Variants in ATG12 observed in about 807,000 individuals in gnomAD.
The protein encoded by ATG12 is autophagy related 12.
A neutral mutation model predicts 17.6 loss-of-function variants in ATG12; 19 were observed. That is an observed-to-expected ratio of 1.08 (90% CI 0.75 to 1.58). The LOEUF is 1.58. Among genes scored for constraint, ATG12 ranks in the 40% most tolerant of loss-of-function variants. The pLI is 0.00. For missense variants in ATG12, 214 were observed against 162.0 expected (o/e 1.32, Z -1.74); for synonymous variants, 75 against 62.4 (o/e 1.20, Z -0.95).
At chr5:115,841,005 AC>A in intron 1 of ATG12, 1 of 621,642 alleles carries the variant, frequency 1.6e-6, no homozygotes, top group Non-Finnish European at 2.6e-6. Context: ...TTTGCCAATG[AC>A]CACCCCTACC....
rs1760923630 is a variant in ATG12, at chr5:115,832,567, CTTTCTTTTTTTTTTTTT to C, written c.363+18_363+34del. ...GATTAAGAAAAAAAAGCAGTAATTT[CTTTCTTTTTTTTTTTTT>C]TTTTTTTTTTTTTTTACCTCATAGA... On this transcript the variant is annotated intron_variant, in intron 3 of 3. Transcript: ENST00000509910. 20 of 1,066,394 alleles carry C rather than the reference CTTTCTTTTTTTTTTTTT, an allele frequency of 1.9e-5. No homozygotes were observed. Among genetic ancestry groups the C allele is most frequent in the Admixed American group, 1.5e-4 (3 of 20,098 alleles). 66.1% of individuals were successfully genotyped at this position (1,066,394 alleles called of 1,614,324 possible).
intron 2 of ATG12, among the ~76,000 whole-genome samples, chr5:115,837,172 T>A (rs1048997880): frequency 2.0e-5 from 3 of 152,214 alleles, no homozygotes; most frequent in African/African-American, 7.2e-5. Flanking sequence ...CTGGTTCACA[T>A]TGTAAAACAA....
At chr5:115,840,334 G>C (rs1281594684) in intron 1 of ATG12, among the ~76,000 whole-genome samples, 1 of 142,464 alleles carries the variant, frequency 7.0e-6, no homozygotes, top group Non-Finnish European at 1.5e-5. Context: ...TTTCGCTCTT[G>C]TTGTCCAGGC....
chr5:115,837,532 TG>T, intron 2 of ATG12, 95 bp downstream of exon 2: 1 of 1,258,604 alleles, frequency 7.9e-7, no homozygotes, highest in Non-Finnish European at 1.1e-6. Flanking sequence ...GCGACATATG[TG>T]GCTCCATATG....
intron 2 of ATG12, among the ~76,000 whole-genome samples, chr5:115,836,235 T>C (rs1761093318): frequency 6.6e-6 from 1 of 152,236 alleles, no homozygotes. Context: ...TGGTTCAACC[T>C]ACTATGTATT....
At position 115,830,185 on chromosome 5, in the gene ATG12, A is replaced by G. The variant is rs1253518873; in HGVS notation, c.*1619T>C. On this transcript the variant is annotated 3_prime_UTR_variant, in exon 4 of 4. Transcript: ENST00000509910. ...ATTCTTCAGAGTTGTTAGGAAAGAA[A>G]ACAAATAAGGTTAGCTACATATTTA... is the stretch of plus-strand genomic sequence containing the variant. 1.3e-5 allele frequency: 2 copies of G among 151,970 alleles called. No individual in the cohort carries two copies. Among genetic ancestry groups the G allele is most frequent in the Non-Finnish European group, 2.9e-5 (2 of 67,986 alleles). The allele number at this position is 151,970 out of a possible 1,614,324, so 9.4% of individuals were successfully genotyped here. A position where few individuals can be genotyped will look rare whatever the true frequency, so the allele number is the denominator to read the frequency against.
At position 115,830,510 on chromosome 5, in the gene ATG12, A is replaced by C. The variant is rs1162500394; in HGVS notation, c.*1294T>G. The C allele has an allele frequency of 1.3e-5, 2 of 152,104 alleles. No homozygotes were observed. The highest frequency in any genetic ancestry group is 2.9e-5 in the Non-Finnish European group (2 of 68,012). The allele number at this position is 152,104 out of a possible 1,614,324, so 9.4% of individuals were successfully genotyped here. A position where few individuals can be genotyped will look rare whatever the true frequency, so the allele number is the denominator to read the frequency against. ...ATACCATCTTAGATCCTGTTTTGAA[A>C]TTCCATTCACATTACATTCGATTTA... On this transcript the variant is annotated 3_prime_UTR_variant, in exon 4 of 4. Transcript: ENST00000509910.
chr5:115,838,608 A>G (rs1049194063), intron 1 of ATG12: 6 of 152,240 alleles, frequency 3.9e-5, no homozygotes, highest in Non-Finnish European at 8.8e-5. Context: ...GTTTGTAACT[A>G]CCAAATTTTC....
chr5:115,832,732 C>A, intron 2 of ATG12, 68 bp from the exon 3 acceptor site: 1 of 1,362,648 alleles, frequency 7.3e-7, no homozygotes, highest in South Asian at 1.6e-5. Context: ...TTTCTGCATT[C>A]CAATCAGCTA....
rs1207813694 is a variant in ATG12, at chr5:115,829,032, C to CT, written c.*2771dup. On this transcript the variant is annotated 3_prime_UTR_variant, in exon 4 of 4. Transcript: ENST00000509910. ...GTAGATAACAGAAAACACAAGGCAT[C>CT]TTCAAAGAATGGTGAATAATCCAGT... is the stretch of plus-strand genomic sequence containing the variant. The CT allele has an allele frequency of 6.6e-6, 1 of 152,170 alleles. No individual in the cohort carries two copies. The highest frequency in any genetic ancestry group is 1.9e-4 in the East Asian group (1 of 5,200). 9.4% of individuals were successfully genotyped at this position (152,170 alleles called of 1,614,324 possible).
chr5:115,835,638 A>C (rs935867815), intron 2 of ATG12, among the ~76,000 whole-genome samples: 25 of 152,098 alleles, frequency 1.6e-4, no homozygotes, highest in African/African-American at 6.0e-4. Context: ...CCTTAGTGCA[A>C]ATGTATTGTC....
In ATG12 at chr5:115,831,591, A is replaced by C. The variant is rs933656108; in HGVS notation, c.*213T>G. ...TAGGAGCAATGGGTGTACTATCATG[A>C]CCATCTTTTATGATGACTGGTGCAT... On this transcript the variant is annotated 3_prime_UTR_variant, in exon 4 of 4. Transcript: ENST00000509910. The C allele has an allele frequency of 4.9e-6, 3 of 606,996 alleles. No homozygotes were observed. Among genetic ancestry groups the C allele is most frequent in the Non-Finnish European group, 8.7e-6 (3 of 343,894 alleles). The allele number at this position is 606,996 out of a possible 1,614,324, so 37.6% of individuals were successfully genotyped here.
intron 2 of ATG12, among the ~76,000 whole-genome samples, chr5:115,835,313 T>A (rs1358741797): frequency 6.6e-6 from 1 of 152,224 alleles, no homozygotes; most frequent in African/African-American, 2.4e-5. Flanking sequence ...TGTACGGGAT[T>A]TGACCTTGTT....
rs115327391 is a variant in ATG12, at chr5:115,836,533, T to A, written c.300+1095A>T. 9.6e-3 allele frequency among the ~76,000 whole-genome samples: 1,465 copies of A among 152,216 alleles called. 26 individuals carry two copies. Among genetic ancestry groups the A allele is most frequent in the African/African-American group, 0.031 (1,298 of 41,516 alleles). On this transcript the variant is annotated intron_variant, in intron 2 of 3. Coordinates refer to ENST00000509910, the MANE Select transcript of ATG12 (RefSeq NM_004707.4). ...TTGCAGCCAAACTCTTAGATCAGAG[T>A]CAGTTTTTTGCTCCTCCCTGACAAA...
At position 115,830,151 on chromosome 5, in the gene ATG12, G is replaced by C. The variant is rs1407603571; in HGVS notation, c.*1653C>G. On this transcript the variant is annotated 3_prime_UTR_variant, in exon 4 of 4. Coordinates refer to ENST00000509910, the MANE Select transcript of ATG12 (RefSeq NM_004707.4). ...AAAAAAAAAAAAAAAAAAGTGCAAA[G>C]TCCTATGTATTCTTCAGAGTTGTTA... The C allele has an allele frequency of 1.4e-5, 2 of 144,520 alleles. No individual in the cohort carries two copies. Among genetic ancestry groups the C allele is most frequent in the Non-Finnish European group, 3.0e-5 (2 of 66,674 alleles). The allele number at this position is 144,520 out of a possible 1,614,324, so 9.0% of individuals were successfully genotyped here. A position where few individuals can be genotyped will look rare whatever the true frequency, so the allele number is the denominator to read the frequency against.
At chr5:115,840,033 G>A (rs568431455) in intron 1 of ATG12, among the ~76,000 whole-genome samples, 3 of 152,146 alleles carry the variant, frequency 2.0e-5, no homozygotes, top group Non-Finnish European at 4.4e-5. Context: ...CAAGTAACAA[G>A]TTTTGACTAA....
chr5:115,841,175 G>T (rs1761439689), intron 1 of ATG12: 3 of 562,264 alleles, frequency 5.3e-6, no homozygotes, highest in Non-Finnish European at 9.0e-6. Context: ...TGGCAGCCAA[G>T]TATCAGGCCC....
chr5:115,831,545 T>C lies in ATG12; in HGVS notation c.*259A>G. On this transcript the variant is annotated 3_prime_UTR_variant, in exon 4 of 4. Coordinates refer to ENST00000509910, the MANE Select transcript of ATG12 (RefSeq NM_004707.4). Reference sequence around the variant, plus strand: ...TCCTTTTCAACCTTGGAGGCAGATCTGCAGCAATAATAGTAACAAGTAGGA... The same window carrying C: ...TCCTTTTCAACCTTGGAGGCAGATCCGCAGCAATAATAGTAACAAGTAGGA... 2 of 539,220 alleles carry C rather than the reference T, an allele frequency of 3.7e-6. No homozygotes were observed. The highest frequency in any genetic ancestry group is 3.3e-6 in the Non-Finnish European group (1 of 305,378). The allele number at this position is 539,220 out of a possible 1,614,324, so 33.4% of individuals were successfully genotyped here. A position where few individuals can be genotyped will look rare whatever the true frequency, so the allele number is the denominator to read the frequency against.
intron 2 of ATG12, among the ~76,000 whole-genome samples, chr5:115,835,913 A>C (rs540357982): frequency 6.6e-6 from 1 of 152,174 alleles, no homozygotes; most frequent in African/African-American, 2.4e-5. Context: ...TACAAATACT[A>C]ATCAGGGGTT....
Sources: gnomAD v4.1 joint callset for allele counts (sites outside exome capture counted in the v4.1 genomes callset) on GRCh38, gnomAD v4.1.1 for gene constraint, MANE v1.5 for transcripts, NCBI Gene and HGNC (gene_info 2026-07-23, HGNC 2026-07-21) for gene names.